Variants in CTNNA3 observed in about 807,000 individuals in gnomAD.
CTNNA3 encodes the protein catenin alpha 3, also known as catenin alpha-3.
Under a neutral mutation model 95.7 loss-of-function variants are expected in CTNNA3, and 76 were observed. That is an observed-to-expected ratio of 0.79 (90% confidence interval 0.66 to 0.96). The LOEUF is 0.96. Ranked by LOEUF, CTNNA3 falls within the 40% of genes least tolerant of loss-of-function variation. CTNNA3 has a pLI of 0.00. For missense variants in CTNNA3, 1,191 were observed against 1,089.8 expected (o/e 1.09, Z -1.31); for synonymous variants, 431 against 374.4 (o/e 1.15, Z -1.74).
intron 12 of CTNNA3, among the ~76,000 whole-genome samples, chr10:66,376,930 G>A (rs1241637962): frequency 6.6e-6 from 1 of 152,160 alleles, no homozygotes; most frequent in Non-Finnish European, 1.5e-5. Flanking sequence ...AATTCTGGAG[G>A]ATAGAGTAGT....
Position 67,448,733 on chromosome 10 carries a change from T to A in CTNNA3, c.579+73109A>T, listed in dbSNP as rs147428634. 4.6e-5 allele frequency among the ~76,000 whole-genome samples: 7 copies of A among 151,084 alleles called. No individual in the cohort carries two copies. In the East Asian group the frequency reaches 1.4e-3, roughly 29 times the overall value. Reference sequence around the variant, plus strand: ...CTTTAAGATTGAATTAAGATGGAATTCTTAAAGATTCCATCTTTAACTCTT... The same window carrying A: ...CTTTAAGATTGAATTAAGATGGAATACTTAAAGATTCCATCTTTAACTCTT... On this transcript the variant is annotated intron_variant, in intron 5 of 17. Transcript: ENST00000433211.
intron 7 of CTNNA3, among the ~76,000 whole-genome samples, chr10:67,109,294 T>C (rs1393357038): frequency 6.6e-6 from 1 of 152,236 alleles, no homozygotes; most frequent in Non-Finnish European, 1.5e-5. Context: ...ATTTGCCTGA[T>C]ATACCAATAA....
intron 15 of CTNNA3, among the ~76,000 whole-genome samples, chr10:66,068,924 A>G (rs2080370711): frequency 6.6e-6 from 1 of 152,202 alleles, no homozygotes; most frequent in Non-Finnish European, 1.5e-5. Context: ...TGATTATGCT[A>G]TAAATCACTA....
chr10:66,383,093 C>T (rs1394170126), intron 11 of CTNNA3, among the ~76,000 whole-genome samples: 1 of 152,176 alleles, frequency 6.6e-6, no homozygotes, highest in Non-Finnish European at 1.5e-5. Flanking sequence ...TGGAAAATGA[C>T]TTTGATGAGT....
At chr10:66,096,824 G>A (rs1328287206) in intron 14 of CTNNA3, among the ~76,000 whole-genome samples, 2 of 151,930 alleles carry the variant, frequency 1.3e-5, no homozygotes, top group Non-Finnish European at 2.9e-5. Context: ...GCGCCTGGCA[G>A]AAAAATTAAA....
chr10:67,531,372 C>G (rs1230800415), intron 4 of CTNNA3, among the ~76,000 whole-genome samples: 1 of 152,200 alleles, frequency 6.6e-6, no homozygotes, highest in Non-Finnish European at 1.5e-5. Flanking sequence ...CCATGGGAAC[C>G]CACTTCTTGC....
At chr10:66,099,931 A>G (rs2081551556) in intron 14 of CTNNA3, among the ~76,000 whole-genome samples, 1 of 152,172 alleles carries the variant, frequency 6.6e-6, no homozygotes, top group Non-Finnish European at 1.5e-5. Flanking sequence ...CTTACTACAC[A>G]AGTTACATAA....
intron 1 of CTNNA3, among the ~76,000 whole-genome samples, chr10:67,710,459 A>AG (rs1841101220): frequency 6.6e-6 from 1 of 152,192 alleles, no homozygotes; most frequent in Non-Finnish European, 1.5e-5. Flanking sequence ...AATGTGAGCT[A>AG]GAAACCCAGG....
intron 7 of CTNNA3, among the ~76,000 whole-genome samples, chr10:67,013,315 T>G (rs1025573191): frequency 2.0e-5 from 3 of 152,232 alleles, no homozygotes; most frequent in Admixed American, 6.5e-5. Context: ...ATGTTTGCTG[T>G]TTATTTCAGT....
intron 9 of CTNNA3, among the ~76,000 whole-genome samples, chr10:66,645,200 T>C (rs192839248): frequency 5.1e-4 from 77 of 152,260 alleles, no homozygotes; most frequent in African/African-American, 1.9e-3. Flanking sequence ...AGTTAGCATT[T>C]TACATTTTGA....
At position 66,474,848 on chromosome 10, in the gene CTNNA3, G is replaced by T. The variant is rs556877677; in HGVS notation, c.1531+45769C>A. 1.6e-4 allele frequency among the ~76,000 whole-genome samples: 25 copies of T among 152,020 alleles called. No homozygotes were observed. The East Asian group carries it at 2.7e-3, about 16-fold the overall frequency. ...AGTGATTTGTATATGATTGTATATG[G>T]TGTTTCTTTTGGGAAAACTCTTTCC... On this transcript the variant is annotated intron_variant, in intron 11 of 17. Coordinates refer to ENST00000433211, the MANE Select transcript of CTNNA3 (RefSeq NM_013266.4).
chr10:66,577,292 T>C (rs1265863947), intron 10 of CTNNA3, among the ~76,000 whole-genome samples: 1 of 152,102 alleles, frequency 6.6e-6, no homozygotes, highest in East Asian at 1.9e-4. Flanking sequence ...TTTATTCTAT[T>C]GATAGTTTCT....
chr10:66,532,726 T>C (rs1841513666), intron 10 of CTNNA3, among the ~76,000 whole-genome samples: 1 of 152,170 alleles, frequency 6.6e-6, no homozygotes, highest in Non-Finnish European at 1.5e-5. Context: ...AAATATTCAA[T>C]AAAGGACAAC....
intron 10 of CTNNA3, among the ~76,000 whole-genome samples, chr10:66,558,017 A>C (rs1842443990): frequency 6.6e-6 from 1 of 152,128 alleles, no homozygotes; most frequent in Non-Finnish European, 1.5e-5. Context: ...TTCAAGGACA[A>C]TCATACTCCT....
chr10:66,033,029 G>A (rs1342711030), intron 15 of CTNNA3, among the ~76,000 whole-genome samples: 2 of 151,924 alleles, frequency 1.3e-5, no homozygotes, highest in African/African-American at 2.4e-5. Context: ...GCTTGGGCTC[G>A]ACATGTTCAT....
intron 7 of CTNNA3, among the ~76,000 whole-genome samples, chr10:66,778,845 G>A (rs557170547): frequency 4.6e-5 from 7 of 152,074 alleles, no homozygotes; most frequent in South Asian, 2.1e-4. Context: ...GCATGGTGGC[G>A]CATATCTGTA....
chr10:67,579,325 T>C (rs1842294409), intron 3 of CTNNA3, among the ~76,000 whole-genome samples: 1 of 151,478 alleles, frequency 6.6e-6, no homozygotes, highest in South Asian at 2.1e-4. Flanking sequence ...GTCCTTGCGA[T>C]AGTTTGCTCA....
chr10:66,125,206 C>CT (rs533382342), intron 13 of CTNNA3, among the ~76,000 whole-genome samples: 1 of 151,998 alleles, frequency 6.6e-6, no homozygotes, highest in Non-Finnish European at 1.5e-5. Flanking sequence ...AAAATTAAAT[C>CT]TTTTTTTCTT....
intron 1 of CTNNA3, among the ~76,000 whole-genome samples, chr10:67,657,275 G>A (rs1218404075): frequency 6.6e-6 from 1 of 152,126 alleles, no homozygotes; most frequent in African/African-American, 2.4e-5. Flanking sequence ...AATTTGAGGT[G>A]CATATTAACA....
Sources: allele counts gnomAD v4.1 joint callset (sites outside exome capture counted in the v4.1 genomes callset), GRCh38; gene constraint gnomAD v4.1.1; transcripts MANE v1.5; gene names NCBI Gene and HGNC (gene_info 2026-07-23, HGNC 2026-07-21).